The following CSMD1 variants were observed in gnomAD, a reference collection of about 807,000 sequenced individuals.
The protein encoded by CSMD1 is CUB and Sushi multiple domains 1.
In CSMD1, 213 loss-of-function variants were observed where a neutral mutation model predicts 417.5. The observed-to-expected ratio is 0.51, with a 90% confidence interval of 0.46 to 0.57. The LOEUF (loss-of-function observed/expected upper bound fraction) is 0.57. CSMD1 is among the 20% of genes least tolerant of loss of function. CSMD1 has a pLI of 0.00. For missense variants in CSMD1, 6,923 were observed against 4,529.7 expected, an observed-to-expected ratio of 1.53 and a Z score of -15.17; for synonymous variants, 2,862 against 1,736.8, an observed-to-expected ratio of 1.65 and a Z score of -16.11.
At chr8:4,509,350 A>T (rs1585181481) in intron 2 of CSMD1, among the ~76,000 whole-genome samples, 2 of 152,176 alleles carry the variant, frequency 1.3e-5, no homozygotes, top group East Asian at 3.9e-4. Context: ...AAAGCTTGAT[A>T]ACAAGGCAGC....
chr8:3,478,029 T>G (rs1817527849), intron 11 of CSMD1, among the ~76,000 whole-genome samples: 1 of 152,318 alleles, frequency 6.6e-6, no homozygotes, highest in Admixed American at 6.5e-5. Flanking sequence ...ATACATATAC[T>G]GAAGTTACTA....
intron 12 of CSMD1, among the ~76,000 whole-genome samples, chr8:3,412,796 T>C (rs898556624): frequency 1.3e-5 from 2 of 152,222 alleles, no homozygotes; most frequent in African/African-American, 4.8e-5. Context: ...GAGATGGGAA[T>C]GGATTTACTT....
intron 49 of CSMD1, among the ~76,000 whole-genome samples, chr8:3,080,069 A>G (rs932867182): frequency 6.6e-6 from 1 of 152,328 alleles, no homozygotes; most frequent in Non-Finnish European, 1.5e-5. Context: ...AAATGCTAGC[A>G]AATCATAAAT....
At chr8:4,502,801 A>C (rs1802324975) in intron 2 of CSMD1, among the ~76,000 whole-genome samples, 1 of 152,150 alleles carries the variant, frequency 6.6e-6, no homozygotes, top group African/African-American at 2.4e-5. Context: ...TGTTGGACTC[A>C]CCAGTAAATC....
chr8:4,920,474 G>A (rs187977366), intron 1 of CSMD1, among the ~76,000 whole-genome samples: 90 of 152,290 alleles, frequency 5.9e-4, no homozygotes, highest in Middle Eastern at 6.8e-3. Flanking sequence ...TCTGCAGCAA[G>A]ATCATTTTTC....
chr8:3,510,279 C>T (rs2117390896), intron 10 of CSMD1, among the ~76,000 whole-genome samples: 1 of 151,980 alleles, frequency 6.6e-6, no homozygotes, highest in South Asian at 2.1e-4. Context: ...GCCCAGGCTT[C>T]TCACTCCACA....
At chr8:4,952,658 G>T (rs1585396939) in intron 1 of CSMD1, among the ~76,000 whole-genome samples, 2 of 151,930 alleles carry the variant, frequency 1.3e-5, no homozygotes. Context: ...TTCAAATATG[G>T]ATTTAAAAAT....
At chr8:3,742,514 G>A (rs1325274938) in intron 6 of CSMD1, among the ~76,000 whole-genome samples, 1 of 152,116 alleles carries the variant, frequency 6.6e-6, no homozygotes, top group Admixed American at 6.5e-5. Context: ...TGGATAGTTG[G>A]CACTGCACTG....
intron 2 of CSMD1, among the ~76,000 whole-genome samples, chr8:4,529,243 T>C (rs1243765318): frequency 2.6e-5 from 4 of 152,152 alleles, no homozygotes; most frequent in Non-Finnish European, 5.9e-5. Flanking sequence ...CCCTTTCTTA[T>C]TCTGTTCGGA....
At chr8:3,321,908 G>C (rs895679345) in intron 23 of CSMD1, among the ~76,000 whole-genome samples, 5 of 152,148 alleles carry the variant, frequency 3.3e-5, no homozygotes, top group Admixed American at 1.3e-4. Flanking sequence ...ATGCAATTAG[G>C]GGAATTTCAG....
chr8:3,677,691 G>C (rs553283188), intron 7 of CSMD1, among the ~76,000 whole-genome samples: 1 of 152,256 alleles, frequency 6.6e-6, no homozygotes, highest in East Asian at 1.9e-4. Context: ...GCCAGAGCTG[G>C]GTAAATTCCC....
chr8:4,229,603 C>A (rs1425929175), intron 3 of CSMD1, among the ~76,000 whole-genome samples: 1 of 152,178 alleles, frequency 6.6e-6, no homozygotes. Context: ...CATGAAGGCT[C>A]TTCCCCAGAT....
At chr8:2,958,700 G>A (rs779621916) in intron 62 of CSMD1, among the ~76,000 whole-genome samples, 13 of 152,212 alleles carry the variant, frequency 8.5e-5, no homozygotes, top group Non-Finnish European at 1.5e-4. Flanking sequence ...TCCCAGCTTG[G>A]CTTGGGACCA....
At chr8:3,199,352 C>G (rs931875511) in intron 33 of CSMD1, among the ~76,000 whole-genome samples, 2 of 151,456 alleles carry the variant, frequency 1.3e-5, no homozygotes, top group East Asian at 3.9e-4. Flanking sequence ...AACATATTTC[C>G]TATATTGTTA....
intron 11 of CSMD1, among the ~76,000 whole-genome samples, chr8:3,478,758 C>G (rs550327429): frequency 3.9e-5 from 6 of 152,130 alleles, no homozygotes; most frequent in South Asian, 2.1e-4. Flanking sequence ...CAACAAACAT[C>G]CAAGGAAGTC....
chr8:2,951,372 G>A (rs900558597), intron 65 of CSMD1, 97 bp from the exon 66 acceptor site: 22 of 1,251,348 alleles, frequency 1.8e-5, no homozygotes, highest in African/African-American at 3.0e-5. Flanking sequence ...CTTAGCGAGC[G>A]ATCACAGATG....
At chr8:3,736,417 A>C (rs935030093) in intron 6 of CSMD1, among the ~76,000 whole-genome samples, 4 of 151,966 alleles carry the variant, frequency 2.6e-5, no homozygotes, top group Non-Finnish European at 4.4e-5. Flanking sequence ...CTAATGTAAA[A>C]AAAAAAATGT....
At chr8:3,311,128 G>GGTGAA in intron 23 of CSMD1, among the ~76,000 whole-genome samples, 1 of 152,218 alleles carries the variant, frequency 6.6e-6, no homozygotes, top group South Asian at 2.1e-4. Context: ...AATTCACCTA[G>GGTGAA]CTTACCATAA....
At chr8:4,963,435 AG>A (rs1809651147) in intron 1 of CSMD1, among the ~76,000 whole-genome samples, 1 of 152,096 alleles carries the variant, frequency 6.6e-6, no homozygotes, top group Admixed American at 6.6e-5. Context: ...CCTGACCTCA[AG>A]CAATCCACCC....
Sources: allele counts gnomAD v4.1 joint callset (sites outside exome capture counted in the v4.1 genomes callset), GRCh38; gene constraint gnomAD v4.1.1; transcripts MANE v1.5; gene names NCBI Gene and HGNC (gene_info 2026-07-23, HGNC 2026-07-21).